ENTPD1: variants seen among roughly 807,000 people sequenced by gnomAD.
The protein encoded by ENTPD1 is ATP diphosphohydrolase.
In ENTPD1, 33 loss-of-function variants were observed where a neutral mutation model predicts 57.0. That is an observed-to-expected ratio of 0.58 (90% confidence interval 0.44 to 0.77). The LOEUF (loss-of-function observed/expected upper bound fraction) is 0.77, where lower values mean the gene tolerates loss of function less well. Ranked by LOEUF, ENTPD1 falls within the 30% of genes least tolerant of loss-of-function variation. The pLI is 0.00. For missense variants in ENTPD1, 501 were observed against 603.4 expected, an observed-to-expected ratio of 0.83 and a Z score of 1.78; for synonymous variants, 202 against 218.8, an observed-to-expected ratio of 0.92 and a Z score of 0.68.
Position 95,867,653 on chromosome 10 carries a change from A to G in ENTPD1, c.*1270A>G, listed in dbSNP as rs570456280. The stretch of plus-strand genomic sequence containing the variant: ...GCAGCAGCTATAGACCTTACCATGG[A>G]AACATGAAGAGACCCTGCACCCCTT... On this transcript the variant is annotated 3_prime_UTR_variant, in exon 10 of 10. Transcript: ENST00000371205. 1 of 985,428 alleles carries G rather than the reference A, an allele frequency of 1.0e-6. No individual in the cohort carries two copies. Among genetic ancestry groups the G allele is most frequent in the South Asian group, 4.7e-5 (1 of 21,282 alleles). 61.0% of individuals were successfully genotyped at this position (985,428 alleles called of 1,614,324 possible).
chr10:95,725,458 ATTCTGTTTTATTT>A (rs1387519392), intron 1 of ENTPD1, among the ~76,000 whole-genome samples: 1 of 151,882 alleles, frequency 6.6e-6, no homozygotes, highest in Non-Finnish European at 1.5e-5. Context: ...GCAACTCGGG[ATTCTGTTTTATTT>A]TTCTGAGGAT....
intron 1 of ENTPD1, among the ~76,000 whole-genome samples, chr10:95,749,956 A>C (rs984005166): frequency 1.3e-5 from 2 of 152,216 alleles, no homozygotes; most frequent in Non-Finnish European, 2.9e-5. Context: ...AGGCTATCAC[A>C]ATAATACAGG....
chr10:95,827,305 AT>A (rs1380549665), intron 2 of ENTPD1, among the ~76,000 whole-genome samples: 2 of 152,078 alleles, frequency 1.3e-5, no homozygotes, highest in East Asian at 3.9e-4. Context: ...TACAAAAAAA[AT>A]TAGCCGGGCG....
At chr10:95,864,991 G>A in intron 9 of ENTPD1, 130 bp downstream of exon 9, 1 of 1,122,006 alleles carries the variant, frequency 8.9e-7, no homozygotes, top group Non-Finnish European at 1.3e-6. Context: ...CTGCCATTCT[G>A]CTTCAAACCC....
intron 1 of ENTPD1, among the ~76,000 whole-genome samples, chr10:95,724,921 T>C (rs2097981989): frequency 6.6e-6 from 1 of 152,198 alleles, no homozygotes; most frequent in South Asian, 2.1e-4. Context: ...CTTTATTTCT[T>C]CCAGTACATT....
At chr10:95,778,641 G>A (rs1287634458) in intron 1 of ENTPD1, among the ~76,000 whole-genome samples, 2 of 151,868 alleles carry the variant, frequency 1.3e-5, no homozygotes, top group Non-Finnish European at 2.9e-5. Context: ...TCTTATTTTG[G>A]TTATTACTGT....
At chr10:95,704,561 ATAAAC>A in the ENTPD1 span, among the ~76,000 whole-genome samples, 1 of 152,200 alleles carries the variant, frequency 6.6e-6, no homozygotes, top group South Asian at 2.1e-4. Flanking sequence ...GATTTTGTCA[ATAAAC>A]TGTGCTGTAC....
At chr10:95,766,773 T>G (rs1458020658) in intron 1 of ENTPD1, among the ~76,000 whole-genome samples, 2 of 152,202 alleles carry the variant, frequency 1.3e-5, no homozygotes, top group Admixed American at 1.3e-4. Context: ...TTTAATGTTT[T>G]TTTCTGTTAT....
chr10:95,855,054 A>C (rs1048723717), intron 7 of ENTPD1, among the ~76,000 whole-genome samples: 5 of 152,038 alleles, frequency 3.3e-5, no homozygotes, highest in Non-Finnish European at 4.4e-5. Context: ...GTCTCCCATT[A>C]TTATTGTGTG....
chr10:95,820,631 G>A (rs1434018544), intron 1 of ENTPD1, among the ~76,000 whole-genome samples: 1 of 152,158 alleles, frequency 6.6e-6, no homozygotes, highest in Non-Finnish European at 1.5e-5. Context: ...TCACCTTCAA[G>A]GTCTCGGCTC....
rs780096230 is a variant in ENTPD1, at chr10:95,866,269, C to T, written c.1419C>T (p.Ser473=). ...AGCAACCATTGTCCACACCTCTCTCCCACTCCACCTATGTCTTCCTCATGG... is the reference window on the plus strand; with the variant it reads ...AGCAACCATTGTCCACACCTCTCTCTCACTCCACCTATGTCTTCCTCATGG... ...PAEQPLSTPL[S]HSTYVFLMVL... Residue 473 remains serine, a synonymous_variant, in exon 10 of 10, where the codon TCC becomes TCT. Coordinates refer to ENST00000371205, the MANE Select transcript of ENTPD1 (RefSeq NM_001776.6). 6.2e-7 allele frequency: 1 copy of T among 1,614,194 alleles called. No individual in the cohort carries two copies. Among genetic ancestry groups the T allele is most frequent in the Non-Finnish European group, 8.5e-7 (1 of 1,180,038 alleles).
the ENTPD1 span, among the ~76,000 whole-genome samples, chr10:95,701,350 T>C: frequency 4.4e-3 from 668 of 152,334 alleles, 2 homozygotes; most frequent in Middle Eastern, 0.02. Context: ...GGGCAATATA[T>C]ATTTCATCTT....
At chr10:95,751,255 A>G (rs2098011494), upstream of ENTPD1, among the ~76,000 whole-genome samples, 1 of 152,218 alleles carries the variant, frequency 6.6e-6, no homozygotes, top group Non-Finnish European at 1.5e-5. Flanking sequence ...AAGATGAGAG[A>G]GTATGCACTA....
chr10:95,798,442 A>T (rs1409019299), intron 1 of ENTPD1, among the ~76,000 whole-genome samples: 1 of 152,172 alleles, frequency 6.6e-6, no homozygotes, highest in Non-Finnish European at 1.5e-5. Context: ...AGAGAAGTGG[A>T]ATAAACACTA....
Position 95,731,088 on chromosome 10 carries a change from G to C in ENTPD1, c.37+19095G>C, listed in dbSNP as rs566800649. On this transcript the variant is annotated intron_variant, in intron 1 of 9. Transcript: ENST00000453258. ...TCCAAGATCTTTTCCAGTTTCACTA[G>C]TTTTAGCTAATATATAAACATGTCA... Among the ~76,000 whole-genome samples, 75 of 152,334 alleles carry C rather than the reference G, an allele frequency of 4.9e-4. 2 individuals are homozygous for C. The South Asian group carries it at 0.015, about 31-fold the overall frequency.
intron 1 of ENTPD1, among the ~76,000 whole-genome samples, chr10:95,767,067 CAG>C (rs2098091521): frequency 6.6e-6 from 1 of 151,578 alleles, no homozygotes; most frequent in East Asian, 1.9e-4. Context: ...TTTGTAGAAA[CAG>C]GGTCTTGTTA....
intron 1 of ENTPD1, among the ~76,000 whole-genome samples, chr10:95,819,057 T>C (rs780328555): frequency 1.3e-5 from 2 of 152,200 alleles, no homozygotes; most frequent in Non-Finnish European, 2.9e-5. Context: ...CCCAAATCTG[T>C]TTATTAATGG....
the ENTPD1 span, among the ~76,000 whole-genome samples, chr10:95,698,879 G>A: frequency 6.6e-6 from 1 of 152,172 alleles, no homozygotes; most frequent in Non-Finnish European, 1.5e-5. Context: ...CCCTGCAGGT[G>A]GAATGCAATA....
chr10:95,745,983 A>G (rs1333623051), intron 1 of ENTPD1, among the ~76,000 whole-genome samples: 1 of 152,216 alleles, frequency 6.6e-6, no homozygotes, highest in East Asian at 1.9e-4. Context: ...CTCTCCCAAC[A>G]TGGCCTCAGT....
Sources: gnomAD v4.1 joint callset for allele counts (sites outside exome capture counted in the v4.1 genomes callset) on GRCh38, gnomAD v4.1.1 for gene constraint, MANE v1.5 for transcripts, NCBI Gene and HGNC (gene_info 2026-07-23, HGNC 2026-07-21) for gene names.